Variants in FRAS1 observed in about 807,000 individuals in gnomAD.
The protein encoded by FRAS1 is extracellular matrix organizing protein FRAS1.
A neutral mutation model predicts 435.2 loss-of-function variants in FRAS1; 290 were observed. The ratio of observed to expected loss-of-function variants is 0.67; its 90% CI spans 0.61 to 0.73. The LOEUF (loss-of-function observed/expected upper bound fraction) is 0.73, where lower values mean the gene tolerates loss of function less well. FRAS1 is among the 30% of genes least tolerant of loss of function. The probability of loss-of-function intolerance (pLI) is 0.00; values close to 1 mark genes in which losing one functional copy is unlikely to be tolerated. For synonymous variants in FRAS1, 1,800 were observed against 1,851.0 expected (o/e 0.97, Z 0.71); for missense variants, 4,860 against 5,001.5 (o/e 0.97, Z 0.85).
At chr4:78,512,739 G>C (rs1201120696) in intron 64 of FRAS1, among the ~76,000 whole-genome samples, 7 of 152,222 alleles carry the variant, frequency 4.6e-5, no homozygotes, top group Admixed American at 4.6e-4. Context: ...TCCAAAGGCT[G>C]CCTAAGAGCT....
chr4:78,278,719 G>T lies in FRAS1; in HGVS notation c.1046G>T (p.Cys349Phe). 6.2e-7 allele frequency: 1 copy of T among 1,602,392 alleles called. No homozygotes were observed. The highest frequency in any genetic ancestry group is 8.5e-7 in the Non-Finnish European group (1 of 1,170,256). Residue 349 changes from cysteine (C) to phenylalanine (F), a missense_variant, in exon 10 of 74, where the codon TGT (cysteine) becomes TTT (phenylalanine). Physicochemically the swap from Cys to Phe is radical, Grantham distance 205. Transcript: ENST00000512123. ...CPECISRNGY[C>F]VYEETGEFMS... The stretch of plus-strand genomic sequence containing the variant: ...GAATGCATTTCAAGGAATGGTTATT[G>T]TGTTTATGAAGAAACTGGAGAATTT...
chr4:78,492,646 C>A (rs1720386889), intron 59 of FRAS1, among the ~76,000 whole-genome samples: 1 of 152,150 alleles, frequency 6.6e-6, no homozygotes. Flanking sequence ...AAAATTAACT[C>A]AGGATGGATT....
At chr4:78,495,332 A>G (rs1720480461) in intron 59 of FRAS1, among the ~76,000 whole-genome samples, 1 of 152,130 alleles carries the variant, frequency 6.6e-6, no homozygotes, top group Non-Finnish European at 1.5e-5. Flanking sequence ...GAAATAATCA[A>G]ATGTATCCAG....
chr4:78,519,663 T>C (rs1333503273), intron 67 of FRAS1, among the ~76,000 whole-genome samples, 182 bp downstream of exon 67: 1 of 152,216 alleles, frequency 6.6e-6, no homozygotes. Context: ...TCTGTCCTGA[T>C]GCTGGAAGGT....
rs1325301939 is a variant in FRAS1 at position 78,539,351 on chromosome 4, C to G, written c.11356C>G (p.His3786Asp). Residue 3786 changes from histidine to aspartate, a missense_variant, in exon 73 of 74, where the codon CAC becomes GAC. Physicochemically the swap from His to Asp is moderately conservative, Grantham distance 81. Transcript: ENST00000512123. ...CTTCCATGATGTGCCTTTTGAGGCTCACTTTGCCTCTGAGTTGCCTGATTT... is the reference window on the plus strand; with the variant it reads ...CTTCCATGATGTGCCTTTTGAGGCTGACTTTGCCTCTGAGTTGCCTGATTT... ...KYFHDVPFEA[H>D]FASELPDFHV... 8 of 1,613,084 alleles carry G rather than the reference C, an allele frequency of 5.0e-6. No homozygotes were observed.
At chr4:78,305,395 G>A (rs573830168) in intron 14 of FRAS1, among the ~76,000 whole-genome samples, 1,646 of 150,634 alleles carry the variant, frequency 0.011, 16 homozygotes, top group Middle Eastern at 0.017. Flanking sequence ...GTGCAGAGCT[G>A]AGTTCAATTC....
At chr4:78,080,843 A>G (rs1364945551) in intron 2 of FRAS1, among the ~76,000 whole-genome samples, 1 of 152,118 alleles carries the variant, frequency 6.6e-6, no homozygotes, top group Non-Finnish European at 1.5e-5. Flanking sequence ...TCATAGTTAC[A>G]TTACCTTTTA....
At position 78,245,253 on chromosome 4, in the gene FRAS1, T is replaced by C. The variant is rs370345916; in HGVS notation, c.237T>C (p.Ala79=). 2.1e-4 allele frequency: 337 copies of C among 1,608,002 alleles called. No homozygotes were observed. The highest frequency in any genetic ancestry group is 2.8e-4 in the Non-Finnish European group (325 of 1,177,144). The change falls in exon 4 of 74, where the codon GCT becomes GCC. Residue 79 remains alanine (A), a synonymous_variant. Transcript: ENST00000512123. ...CTCAGGGAGAAGTGCTTCAAATAGC[T>C]GCCAACCAATGCTGTCCTGAGTGTG... ...AFEKGEVLQI[A]ANQCCPECVL...
chr4:78,407,920 A>G, intron 31 of FRAS1, 79 bp downstream of exon 31: 1 of 1,267,476 alleles, frequency 7.9e-7, no homozygotes. Context: ...CAACTTGAGT[A>G]ATTTTCTGCA....
chr4:78,223,116 T>C (rs566355267), intron 2 of FRAS1, among the ~76,000 whole-genome samples: 2 of 152,354 alleles, frequency 1.3e-5, no homozygotes, highest in South Asian at 4.1e-4. Flanking sequence ...TGTATTTTGC[T>C]GACTGCGGGA....
intron 2 of FRAS1, among the ~76,000 whole-genome samples, chr4:78,117,792 G>A (rs1445677138): frequency 7.2e-5 from 11 of 152,220 alleles, no homozygotes; most frequent in Non-Finnish European, 1.0e-4. Flanking sequence ...CCTTTAGCTC[G>A]GAGTAGTTTG....
chr4:78,423,023 C>G (rs1230819745), intron 34 of FRAS1, among the ~76,000 whole-genome samples: 1 of 152,152 alleles, frequency 6.6e-6, no homozygotes, highest in East Asian at 1.9e-4. Flanking sequence ...GCCCAGCATA[C>G]CCTTAATCCC....
intron 26 of FRAS1, 190 bp from the exon 27 acceptor site, chr4:78,379,536 T>C (rs1731925432): frequency 1.7e-6 from 1 of 599,428 alleles, no homozygotes; most frequent in Non-Finnish European, 2.8e-6. Context: ...GGTTGTGGTC[T>C]TTTGTAACAA....
intron 2 of FRAS1, among the ~76,000 whole-genome samples, chr4:78,233,413 TTAAG>T (rs1724597656): frequency 6.6e-6 from 1 of 152,220 alleles, no homozygotes; most frequent in Non-Finnish European, 1.5e-5. Context: ...AGGGTCCTAA[TTAAG>T]TAATAATTTC....
chr4:78,324,887 C>A (rs1729659289), intron 18 of FRAS1, among the ~76,000 whole-genome samples: 1 of 151,890 alleles, frequency 6.6e-6, no homozygotes, highest in Admixed American at 6.6e-5. Flanking sequence ...TACCCCCATT[C>A]CATGGTAAAT....
At chr4:78,175,980 A>G (rs1396483261) in intron 2 of FRAS1, among the ~76,000 whole-genome samples, 1 of 152,150 alleles carries the variant, frequency 6.6e-6, no homozygotes, top group Non-Finnish European at 1.5e-5. Context: ...GGTGAGTGCC[A>G]TTTTGCAAAT....
At chr4:78,524,001 C>T (rs1029911231) in intron 69 of FRAS1, among the ~76,000 whole-genome samples, 5 of 152,212 alleles carry the variant, frequency 3.3e-5, no homozygotes, top group Admixed American at 1.3e-4. Flanking sequence ...GCAAAACTAA[C>T]TCCTCTGAGA....
rs937520664 is a variant in FRAS1, at chr4:78,451,834, G to A, written c.6526G>A (p.Val2176Met). The A allele has an allele frequency of 6.2e-7, 1 of 1,613,092 alleles. No homozygotes were observed. The change falls in exon 46 of 74, where the codon GTG (valine) becomes ATG (methionine). Residue 2176 changes from valine (V) to methionine (M), a missense_variant. Physicochemically the swap from Val to Met is conservative, Grantham distance 21. Coordinates refer to ENST00000512123, the MANE Select transcript of FRAS1 (RefSeq NM_025074.7). ...AGGGAGCTTTGCTTTTAAATTTGAT[G>A]TGGTTGATGGAGAAGGCAACAGATT... The part of the protein sequence containing the change: ...PGGSFAFKFD[V>M]VDGEGNRLID...
chr4:78,061,668 T>C (rs541567757), intron 1 of FRAS1, among the ~76,000 whole-genome samples: 1 of 152,314 alleles, frequency 6.6e-6, no homozygotes, highest in East Asian at 1.9e-4. Context: ...TGCTTGAAAC[T>C]CAATAACTCA....
Sources: allele counts gnomAD v4.1 joint callset (sites outside exome capture counted in the v4.1 genomes callset), GRCh38; gene constraint gnomAD v4.1.1; transcripts MANE v1.5; gene names NCBI Gene and HGNC (gene_info 2026-07-23, HGNC 2026-07-21).